Variants in PREX2 observed in about 807,000 individuals in gnomAD.
PREX2 encodes phosphatidylinositol 3,4,5-trisphosphate-dependent Rac exchanger 2 protein.
In PREX2, 107 loss-of-function variants were observed where a neutral mutation model predicts 203.2. The observed-to-expected ratio is 0.53, with a 90% CI of 0.45 to 0.62. PREX2 has a LOEUF of 0.62. Ranked by LOEUF, PREX2 falls within the 20% of genes least tolerant of loss-of-function variation. The pLI, the probability that PREX2 is intolerant of heterozygous loss-of-function variation, is 0.00. For missense variants in PREX2, 1,777 were observed against 1,955.9 expected (o/e 0.91, Z 1.72); for synonymous variants, 672 against 663.6 (o/e 1.01, Z -0.19).
chr8:67,998,911 A>G (rs904880652), intron 1 of PREX2, among the ~76,000 whole-genome samples: 3 of 152,224 alleles, frequency 2.0e-5, no homozygotes, highest in Non-Finnish European at 2.9e-5. Context: ...TTTTTCACTT[A>G]TGAAGGGCTT....
At position 68,110,944 on chromosome 8, in the gene PREX2, G is replaced by A. The variant is rs774034435; in HGVS notation, c.3146+1321G>A. On this transcript the variant is annotated intron_variant, in intron 25 of 39. Transcript: ENST00000288368. ...TTCCCATTTACAGATGAATTAAACC[G>A]TTCAAGATTGCTAAGAGAAAAGGAG... 1.0e-4 allele frequency: 44 copies of A among 433,030 alleles called. No homozygotes were observed. The East Asian group carries it at 1.2e-3, about 12-fold the overall frequency. 26.8% of individuals were successfully genotyped at this position (433,030 alleles called of 1,614,324 possible). A position where few individuals can be genotyped will look rare whatever the true frequency, so the allele number is the denominator to read the frequency against.
chr8:68,144,981 A>T (rs1811297507), intron 33 of PREX2, among the ~76,000 whole-genome samples: 1 of 152,160 alleles, frequency 6.6e-6, no homozygotes, highest in Non-Finnish European at 1.5e-5. Context: ...CCAAAGATGA[A>T]GGGTATGGAA....
chr8:68,102,820 G>A (rs1364226999), intron 23 of PREX2: 2 of 518,504 alleles, frequency 3.9e-6, no homozygotes, highest in African/African-American at 1.9e-5. Context: ...GGTTGTACAG[G>A]CCACAGATGT....
intron 38 of PREX2, among the ~76,000 whole-genome samples, chr8:68,218,304 T>C (rs1164939425): frequency 3.3e-5 from 5 of 152,216 alleles, no homozygotes; most frequent in African/African-American, 1.2e-4. Context: ...CTTTATTCTA[T>C]ACAGTAGCCC....
At chr8:68,207,988 G>A (rs1404726040) in intron 37 of PREX2, among the ~76,000 whole-genome samples, 1 of 152,132 alleles carries the variant, frequency 6.6e-6, no homozygotes, top group African/African-American at 2.4e-5. Context: ...GAGGAAAACA[G>A]GGACCATATT....
At chr8:68,129,061 A>C (rs1157329135) in intron 31 of PREX2, among the ~76,000 whole-genome samples, 8 of 152,200 alleles carry the variant, frequency 5.3e-5, no homozygotes, top group African/African-American at 1.9e-4. Flanking sequence ...GGATCCCCAC[A>C]ACCCACTATG....
At position 68,229,351 on chromosome 8, in the gene PREX2, C is replaced by T. The variant is rs556373856; in HGVS notation, c.4776-1982C>T. ...CCCCAAATGATGGGCAGACCAAGGC[C>T]TCACTCTGCCCAACAATTTATCTGC... On this transcript the variant is annotated intron_variant, in intron 39 of 39. Transcript: ENST00000288368. Among the ~76,000 whole-genome samples, 3 of 152,280 alleles carry T rather than the reference C, an allele frequency of 2.0e-5. No homozygotes were observed. The East Asian group carries it at 5.8e-4, about 29-fold the overall frequency.
chr8:68,193,958 G>A (rs879551830), intron 37 of PREX2, among the ~76,000 whole-genome samples: 2 of 152,152 alleles, frequency 1.3e-5, no homozygotes. Context: ...TTAATTTTTT[G>A]TGGTTGGCAA....
At chr8:68,141,900 A>T (rs978422834) in intron 33 of PREX2, among the ~76,000 whole-genome samples, 10 of 152,202 alleles carry the variant, frequency 6.6e-5, no homozygotes, top group African/African-American at 2.4e-4. Flanking sequence ...TTTTATAGCT[A>T]ATAAATTTCC....
chr8:68,056,289 T>A (rs1447185780), intron 10 of PREX2, among the ~76,000 whole-genome samples: 1 of 152,078 alleles, frequency 6.6e-6, no homozygotes, highest in Non-Finnish European at 1.5e-5. Flanking sequence ...GGGGACAGGA[T>A]GACTGGTTGG....
At chr8:68,099,604 G>C (rs1421161866) in intron 22 of PREX2, 78 bp from the exon 23 acceptor site, 63 of 1,383,504 alleles carry the variant, frequency 4.6e-5, no homozygotes, top group Non-Finnish European at 5.5e-5. Context: ...TTTTCTTCTT[G>C]TTTCGTTTTG....
rs1807755393 is a variant in PREX2, at chr8:68,027,332, T to C, written c.543+9T>C. ...ACCCTCTTATTTTGAAGGTATTTTA[T>C]GTGCTACCTCATTGTAGCCATTTTC... On this transcript the variant is annotated intron_variant, in intron 5 of 39. Coordinates refer to ENST00000288368, the MANE Select transcript of PREX2 (RefSeq NM_024870.4). 6.7e-7 allele frequency: 1 copy of C among 1,494,638 alleles called. No homozygotes were observed. Among genetic ancestry groups the C allele is most frequent in the African/African-American group, 1.4e-5 (1 of 72,558 alleles). 92.6% of individuals were successfully genotyped at this position (1,494,638 alleles called of 1,614,324 possible).
chr8:68,008,839 G>A (rs1022023413), intron 1 of PREX2, among the ~76,000 whole-genome samples: 5 of 151,998 alleles, frequency 3.3e-5, no homozygotes, highest in Admixed American at 2.6e-4. Context: ...CTTCTCCTTC[G>A]CCTTCTGCCA....
rs1046164839 is a variant in PREX2 at position 68,235,504 on chromosome 8, T to C, written c.*4126T>C. 2 of 152,168 alleles carry C rather than the reference T, an allele frequency of 1.3e-5. No individual in the cohort carries two copies. Among genetic ancestry groups the C allele is most frequent in the Non-Finnish European group, 2.9e-5 (2 of 68,018 alleles). The allele number at this position is 152,168 out of a possible 1,614,324, so 9.4% of individuals were successfully genotyped here. A position where few individuals can be genotyped will look rare whatever the true frequency, so the allele number is the denominator to read the frequency against. ...ATTGTCGGTTGTCCTGCTTAAGTAC[T>C]AGGGCCAAGCTTTGAAATGACTTAA... On this transcript the variant is annotated 3_prime_UTR_variant, in exon 40 of 40. Transcript: ENST00000288368.
At chr8:68,144,631 G>A (rs1811291105) in intron 33 of PREX2, among the ~76,000 whole-genome samples, 1 of 151,684 alleles carries the variant, frequency 6.6e-6, no homozygotes, top group African/African-American at 2.4e-5. Flanking sequence ...CTTTTCTCTT[G>A]TCTTGTTTTA....
At chr8:68,135,355 A>G (rs868775200) in intron 32 of PREX2, among the ~76,000 whole-genome samples, 1 of 152,210 alleles carries the variant, frequency 6.6e-6, no homozygotes, top group Non-Finnish European at 1.5e-5. Flanking sequence ...CATATGCAGA[A>G]TATATAAAGA....
intron 23 of PREX2, among the ~76,000 whole-genome samples, chr8:68,102,137 T>G (rs181344633): frequency 6.6e-6 from 1 of 152,294 alleles, no homozygotes; most frequent in African/African-American, 2.4e-5. Context: ...AAAGCTCTTT[T>G]ATGTACATTA....
At chr8:68,146,799 G>A (rs965521034) in intron 34 of PREX2, among the ~76,000 whole-genome samples, 1 of 152,128 alleles carries the variant, frequency 6.6e-6, no homozygotes. Flanking sequence ...GTATCAATGG[G>A]TGGTTAAATT....
rs545453547 is a variant in PREX2 at position 68,010,203 on chromosome 8, A to G, written c.142-7643A>G. Among the ~76,000 whole-genome samples, 46 of 152,320 alleles carry G rather than the reference A, an allele frequency of 3.0e-4. 1 individual carries two copies. The Middle Eastern group carries it at 0.014, about 45-fold the overall frequency. The stretch of plus-strand genomic sequence containing the variant: ...TTAGAGAGATTGACATGTATACCAA[A>G]CAACTGGGAGCTAGCCTGGGATCCT... On this transcript the variant is annotated intron_variant, in intron 1 of 39. Coordinates refer to ENST00000288368, the MANE Select transcript of PREX2 (RefSeq NM_024870.4).
Sources: allele counts gnomAD v4.1 joint callset (sites outside exome capture counted in the v4.1 genomes callset), GRCh38; gene constraint gnomAD v4.1.1; transcripts MANE v1.5; gene names NCBI Gene and HGNC (gene_info 2026-07-23, HGNC 2026-07-21).